TXNDC5: variants seen among roughly 807,000 people sequenced by gnomAD.
TXNDC5 encodes thioredoxin domain containing 5.
In TXNDC5, 44 loss-of-function variants were observed where a neutral mutation model predicts 52.6. The ratio of observed to expected loss-of-function variants is 0.84; its 90% CI spans 0.66 to 1.08. The LOEUF (loss-of-function observed/expected upper bound fraction) is 1.08, where lower values mean the gene tolerates loss of function less well. TXNDC5 is among the 50% of genes least tolerant of loss of function. The pLI, the probability that TXNDC5 is intolerant of heterozygous loss-of-function variation, is 0.00. For missense variants in TXNDC5, 600 were observed against 565.5 expected, an observed-to-expected ratio of 1.06 and a Z score of -0.62; for synonymous variants, 241 against 234.4, an observed-to-expected ratio of 1.03 and a Z score of -0.26.
At chr6:7,903,925 C>T (rs896436272) in intron 2 of TXNDC5, among the ~76,000 whole-genome samples, 1 of 152,314 alleles carries the variant, frequency 6.6e-6, no homozygotes, top group Non-Finnish European at 1.5e-5. Context: ...AGTGGTGGGC[C>T]CTTCTGTGCA....
rs1311275283 is a variant in TXNDC5, at chr6:7,910,636, G to A, written c.141C>T (p.Asp47=). ...RAQEAAAAAA[D]GPPAADGEDG... is the part of the protein sequence containing the mutation. ...CCTCGCCGTCTGCCGCGGGGGGCCC[G>A]TCCGCCGCCGCCGCCGCCGCCTCCT... The change falls in exon 1 of 10, where the codon GAC becomes GAT. Residue 47 remains aspartate, a synonymous_variant. Coordinates refer to ENST00000379757, the MANE Select transcript of TXNDC5 (RefSeq NM_030810.5). The A allele has an allele frequency of 7.6e-7, 1 of 1,318,848 alleles. No individual in the cohort carries two copies. The highest frequency in any genetic ancestry group is 9.9e-7 in the Non-Finnish European group (1 of 1,014,192). The allele number at this position is 1,318,848 out of a possible 1,614,324, so 81.7% of individuals were successfully genotyped here.
chr6:7,884,232 C>A, intron 9 of TXNDC5, 127 bp downstream of exon 9: 3 of 1,315,764 alleles, frequency 2.3e-6, no homozygotes, highest in Non-Finnish European at 3.1e-6. Context: ...ACAAACAACT[C>A]AAAGGGACAT....
In TXNDC5 at chr6:7,885,939, TTC is replaced by T; in HGVS notation, c.1046+20_1046+21del. 6.2e-7 allele frequency: 1 copy of T among 1,612,518 alleles called. No homozygotes were observed. Among genetic ancestry groups the T allele is most frequent in the Non-Finnish European group, 8.5e-7 (1 of 1,178,880 alleles). On this transcript the variant is annotated intron_variant, in intron 8 of 9. Coordinates refer to ENST00000379757, the MANE Select transcript of TXNDC5 (RefSeq NM_030810.5). ...ACTTAGTACACATGGACAAAGTAGT[TTC>T]TAATTAAACAGCCACTTACCATGGA...
chr6:7,888,955 T>C, intron 6 of TXNDC5, 107 bp from the exon 7 acceptor site: 1 of 1,411,714 alleles, frequency 7.1e-7, no homozygotes, highest in Non-Finnish European at 9.5e-7. Context: ...CCAGATGTCT[T>C]AGCGGTGGTG....
At position 7,904,684 on chromosome 6, in the gene TXNDC5, G is replaced by A; in HGVS notation, c.303C>T (p.Asp101=). 1 of 1,614,208 alleles carries A rather than the reference G, an allele frequency of 6.2e-7. No homozygotes were observed. ...HCQRLQPTWN[D]LGDKYNSMED... is the part of the protein sequence containing the mutation. ...CCATGCTGTTGTATTTGTCTCCCAG[G>A]TCATTCCAAGTCGGCTGCAGCCGCT... The change falls in exon 2 of 10, where the codon GAC becomes GAT. Residue 101 remains aspartate (D), a synonymous_variant. Coordinates refer to ENST00000379757, the MANE Select transcript of TXNDC5 (RefSeq NM_030810.5).
At chr6:7,891,542 G>A (rs3734589) in intron 5 of TXNDC5, 79 bp downstream of exon 5, 116,263 of 1,177,970 alleles carry the variant, frequency 0.099, 6,058 homozygotes, top group African/African-American at 0.14. Context: ...CTTTGCACAC[G>A]GAATGAATAA....
At chr6:7,902,669 G>GT (rs1303648124) in intron 2 of TXNDC5, among the ~76,000 whole-genome samples, 2 of 152,018 alleles carry the variant, frequency 1.3e-5, no homozygotes, top group Non-Finnish European at 2.9e-5. Flanking sequence ...AAAATAATCT[G>GT]TTCTTGGAGC....
chr6:7,884,558 A>C (rs1042791135), intron 8 of TXNDC5, 70 bp from the exon 9 acceptor site: 1 of 1,603,896 alleles, frequency 6.2e-7, no homozygotes, highest in South Asian at 1.1e-5. Flanking sequence ...TCTGCTGCCA[A>C]GACAAGCTCT....
chr6:7,899,531 G>A, intron 3 of TXNDC5, 45 bp downstream of exon 3: 2 of 1,409,970 alleles, frequency 1.4e-6, no homozygotes, highest in Non-Finnish European at 2.0e-6. Context: ...TAGGCAGGGA[G>A]AGAGGGAGGG....
chr6:7,885,876 T>C, intron 8 of TXNDC5, 85 bp downstream of exon 8: 2 of 1,238,570 alleles, frequency 1.6e-6, no homozygotes, highest in Non-Finnish European at 2.3e-6. Flanking sequence ...CAACATTGAG[T>C]CTGGAGGGGT....
intron 2 of TXNDC5, among the ~76,000 whole-genome samples, chr6:7,900,493 A>G (rs1023770360): frequency 1.3e-5 from 2 of 152,240 alleles, no homozygotes; most frequent in African/African-American, 4.8e-5. Context: ...CTGCTCATCT[A>G]AACACCCCTG....
chr6:7,891,733 T>C lies in TXNDC5; in HGVS notation c.620A>G (p.Asp207Gly). 1 of 1,613,092 alleles carries C rather than the reference T, an allele frequency of 6.2e-7. No homozygotes were observed. Residue 207 changes from aspartate to glycine, a missense_variant, in exon 5 of 10, where the codon GAC (aspartate) becomes GGC (glycine). Physicochemically the swap from Asp to Gly is moderately conservative, Grantham distance 94. Transcript: ENST00000379757. ...SNFELHVAQG[D>G]HFIKFFAPWC... ...CGGAGCGAAGAACTTGATAAAGTGG[T>C]CGCCTGGAGTGGAGAGCCAAGGCAG... is the stretch of plus-strand genomic sequence containing the variant.
rs775486560 is a variant in TXNDC5, at chr6:7,886,037, C to G, written c.970G>C (p.Val324Leu). Reference protein sequence around the residue: ...AAEPEADKGTVLALTENNFDD... With the variant: ...AAEPEADKGTLLALTENNFDD... ...AAGTTATTTTCAGTGAGTGCCAACA[C>G]AGTGCCCTTCAAGGGAGGAAAAAGC... Residue 324 changes from valine to leucine, a missense_variant, in exon 8 of 10, where the codon GTG becomes CTG. By Grantham distance (32) the Val-to-Leu change is conservative. Transcript: ENST00000379757. 1 of 1,614,102 alleles carries G rather than the reference C, an allele frequency of 6.2e-7. No individual in the cohort carries two copies. The highest frequency in any genetic ancestry group is 8.5e-7 in the Non-Finnish European group (1 of 1,179,998).
At chr6:7,893,827 C>G (rs1046022989) in intron 4 of TXNDC5, among the ~76,000 whole-genome samples, 7 of 152,338 alleles carry the variant, frequency 4.6e-5, no homozygotes, top group South Asian at 4.1e-4. Flanking sequence ...CCATTTCTCA[C>G]GTTTCCAACC....
intron 6 of TXNDC5, chr6:7,889,134 C>A (rs1267262703): frequency 6.5e-6 from 3 of 464,200 alleles, no homozygotes; most frequent in African/African-American, 2.0e-5. Flanking sequence ...GAACTCTGAG[C>A]TGCTGACCAT....
Position 7,883,136 on chromosome 6 carries a change from C to T in TXNDC5, c.*8G>A. 2 of 1,614,150 alleles carry T rather than the reference C, an allele frequency of 1.2e-6. No homozygotes were observed. Among genetic ancestry groups the T allele is most frequent in the Non-Finnish European group, 1.7e-6 (2 of 1,180,014 alleles). On this transcript the variant is annotated 3_prime_UTR_variant, in exon 10 of 10. Coordinates refer to ENST00000379757, the MANE Select transcript of TXNDC5 (RefSeq NM_030810.5). ...GCTGGGCAGGAGAGGTGACCTCCAA[C>T]TGTGTTCCTAAAGTTCGTCTTTCGC... is the stretch of plus-strand genomic sequence containing the variant.
At chr6:7,906,195 C>T (rs1387718574) in intron 1 of TXNDC5, among the ~76,000 whole-genome samples, 3 of 151,972 alleles carry the variant, frequency 2.0e-5, no homozygotes, top group Admixed American at 6.6e-5. Flanking sequence ...GAGCTATGAT[C>T]ACACCACTGC....
At chr6:7,889,703 C>CT (rs1760126104) in intron 5 of TXNDC5, 122 bp from the exon 6 acceptor site, 2 of 725,514 alleles carry the variant, frequency 2.8e-6, no homozygotes, top group Non-Finnish European at 4.5e-6. Context: ...TGTAGCAACT[C>CT]TGCCAGCAAG....
intron 6 of TXNDC5, 39 bp downstream of exon 6, chr6:7,889,456 G>A: frequency 6.3e-7 from 1 of 1,575,758 alleles, no homozygotes; most frequent in Non-Finnish European, 8.7e-7. Flanking sequence ...ATGGGGTTAA[G>A]AGATGAAGAA....
Sources: allele counts gnomAD v4.1 joint callset (sites outside exome capture counted in the v4.1 genomes callset), GRCh38; gene constraint gnomAD v4.1.1; transcripts MANE v1.5; gene names NCBI Gene and HGNC (gene_info 2026-07-23, HGNC 2026-07-21).